The following DMD variants were observed in gnomAD, a reference collection of about 807,000 sequenced individuals.
DMD encodes the protein dystrophin.
A neutral mutation model predicts 330.1 loss-of-function variants in DMD; 63 were observed. That is an observed-to-expected ratio of 0.19 (90% CI 0.16 to 0.24). DMD has a LOEUF of 0.24. Among genes scored for constraint, DMD ranks in the 10% least tolerant of loss-of-function variants. The pLI is 1.00. For synonymous variants in DMD, 1,223 were observed against 959.8 expected, an observed-to-expected ratio of 1.27 and a Z score of -5.07; for missense variants, 3,344 against 2,684.1, an observed-to-expected ratio of 1.25 and a Z score of -5.43.
chrX:32,544,974 G>A (rs772359295), intron 17 of DMD, among the ~76,000 whole-genome samples, 185 bp downstream of exon 17: 2 of 111,152 alleles, frequency 1.8e-5, no homozygotes, highest in East Asian at 5.7e-4. Flanking sequence ...TTTACTTTCT[G>A]TTGCGATAGT....
intron 17 of DMD, among the ~76,000 whole-genome samples, chrX:32,536,574 T>G (rs2048006013): frequency 9.0e-6 from 1 of 111,649 alleles, no homozygotes; most frequent in African/African-American, 3.3e-5. Flanking sequence ...AAGAAAAGAG[T>G]TTTCACCAGA....
intron 51 of DMD, among the ~76,000 whole-genome samples, chrX:31,773,699 GACA>G (rs1345815812): frequency 9.8e-6 from 1 of 102,034 alleles, no homozygotes; most frequent in Non-Finnish European, 2.0e-5. Context: ...ATTTAACTGA[GACA>G]ACTATTCTTG....
intron 47 of DMD, among the ~76,000 whole-genome samples, chrX:31,901,649 A>G (rs779450515): frequency 1.3e-4 from 15 of 111,806 alleles, no homozygotes; most frequent in Non-Finnish European, 2.6e-4. Flanking sequence ...ATTTAGAAAC[A>G]TTCTGTCTAT....
At chrX:32,781,535 C>T (rs12007161) in intron 7 of DMD, among the ~76,000 whole-genome samples, 16,443 of 110,398 alleles carry the variant, frequency 0.15, 1,816 homozygotes, top group African/African-American at 0.38. Flanking sequence ...ACCGGGAACA[C>T]TGTAGATTCT....
chrX:31,494,062 C>T (rs1415548923), intron 57 of DMD, among the ~76,000 whole-genome samples: 2 of 105,807 alleles, frequency 1.9e-5, no homozygotes, highest in Admixed American at 1.0e-4. Context: ...GAGGCTGAGG[C>T]GGGAGAATTG....
intron 57 of DMD, among the ~76,000 whole-genome samples, chrX:31,487,100 T>C (rs1424448497): frequency 1.8e-5 from 2 of 111,706 alleles, no homozygotes; most frequent in Non-Finnish European, 3.8e-5. Context: ...AAAGAGGCAA[T>C]GGAGCAAACA....
rs146234810 is a variant in DMD, at chrX:32,717,369, C to A, written c.650-18076G>T. ...GTTACTAAAAAGGCCCCAGATGTGT[C>A]TTGGGGTGTTGCTTCAGAGGGTGCA... On this transcript the variant is annotated intron_variant, in intron 7 of 78. Coordinates refer to ENST00000357033, the MANE Select transcript of DMD (RefSeq NM_004006.3). Among the ~76,000 whole-genome samples, 398 of 111,424 alleles carry A rather than the reference C, an allele frequency of 3.6e-3. 3 individuals carry two copies. The highest frequency in any genetic ancestry group is 0.012 in the African/African-American group (367 of 30,694).
chrX:32,560,639 C>T (rs2050889508), intron 16 of DMD, among the ~76,000 whole-genome samples: 1 of 111,055 alleles, frequency 9.0e-6, no homozygotes, highest in Admixed American at 9.6e-5. Context: ...CTTCCCTGTG[C>T]CCATGTGTTC....
chrX:32,017,491 TA>T, intron 44 of DMD, among the ~76,000 whole-genome samples: 1 of 111,955 alleles, frequency 8.9e-6, no homozygotes, highest in Non-Finnish European at 1.9e-5. Flanking sequence ...TAAGTGGAAA[TA>T]AGGGGGATGG....
At chrX:33,002,600 A>T (rs1012684508) in intron 2 of DMD, among the ~76,000 whole-genome samples, 2 of 110,464 alleles carry the variant, frequency 1.8e-5, no homozygotes, top group South Asian at 7.8e-4. Flanking sequence ...GAAGTTACAA[A>T]GTTGCACTTC....
intron 52 of DMD, among the ~76,000 whole-genome samples, chrX:31,728,558 C>T (rs1691007142): frequency 8.9e-6 from 1 of 111,907 alleles, no homozygotes; most frequent in East Asian, 2.8e-4. Context: ...TAACCTTTTA[C>T]TCTGGTTACT....
intron 7 of DMD, among the ~76,000 whole-genome samples, chrX:32,731,548 T>C (rs781283832): frequency 2.5e-4 from 28 of 112,282 alleles, no homozygotes; most frequent in Middle Eastern, 4.6e-3. Context: ...GTTCTCCCAG[T>C]ACGCAGCTGG....
intron 20 of DMD, among the ~76,000 whole-genome samples, chrX:32,487,257 T>A (rs1196616984): frequency 8.9e-6 from 1 of 112,177 alleles, no homozygotes; most frequent in Admixed American, 9.5e-5. Flanking sequence ...TTGTTTCGTA[T>A]TTAATACATA....
intron 15 of DMD, among the ~76,000 whole-genome samples, chrX:32,571,309 A>G (rs2052390041): frequency 1.8e-5 from 2 of 112,165 alleles, no homozygotes; most frequent in South Asian, 3.7e-4. Flanking sequence ...GATGTAATCC[A>G]TGCATCCATT....
At chrX:32,622,037 C>T (rs1473191161) in intron 11 of DMD, among the ~76,000 whole-genome samples, 2 of 111,377 alleles carry the variant, frequency 1.8e-5, no homozygotes, top group African/African-American at 6.5e-5. Context: ...ACACAACTCA[C>T]CCAAATTCTG....
intron 55 of DMD, among the ~76,000 whole-genome samples, chrX:31,518,826 T>C (rs2072490801): frequency 9.0e-6 from 1 of 111,497 alleles, no homozygotes; most frequent in African/African-American, 3.3e-5. Context: ...TGTTGTTATG[T>C]GGCAGAAGCA....
At chrX:32,156,949 G>A (rs1051087253) in intron 44 of DMD, among the ~76,000 whole-genome samples, 1 of 111,553 alleles carries the variant, frequency 9.0e-6, no homozygotes, top group East Asian at 2.8e-4. Context: ...AGCAATCTCC[G>A]CCAAGCGCCT....
intron 63 of DMD, among the ~76,000 whole-genome samples, chrX:31,234,657 T>A (rs1569491494): frequency 8.9e-6 from 1 of 112,130 alleles, no homozygotes; most frequent in Non-Finnish European, 1.9e-5. Flanking sequence ...ATTCACCCTG[T>A]AAAAAATCAG....
At chrX:31,193,363 C>G (rs147911037) in intron 67 of DMD, among the ~76,000 whole-genome samples, 307 of 112,192 alleles carry the variant, frequency 2.7e-3, no homozygotes, top group African/African-American at 9.3e-3. Context: ...AATGGCAGTT[C>G]AGTAAAGAGA....
Sources: allele counts gnomAD v4.1 joint callset (sites outside exome capture counted in the v4.1 genomes callset), GRCh38; gene constraint gnomAD v4.1.1; transcripts MANE v1.5; gene names NCBI Gene and HGNC (gene_info 2026-07-23, HGNC 2026-07-21).